The following EPS15L1 variants were observed in gnomAD, a reference collection of about 807,000 sequenced individuals.
The protein encoded by EPS15L1 is epidermal growth factor receptor pathway substrate 15 like 1, also known as epidermal growth factor receptor substrate 15-like 1.
In EPS15L1, 43 loss-of-function variants were observed where a neutral mutation model predicts 117.1. That is an observed-to-expected ratio of 0.37 (90% CI 0.29 to 0.47). The LOEUF (loss-of-function observed/expected upper bound fraction) is 0.47. Among genes scored for constraint, EPS15L1 ranks in the 20% least tolerant of loss-of-function variants. The pLI is 0.99. For synonymous variants in EPS15L1, 459 were observed against 470.5 expected, an observed-to-expected ratio of 0.98 and a Z score of 0.32; for missense variants, 981 against 1,164.0, an observed-to-expected ratio of 0.84 and a Z score of 2.29.
intron 1 of EPS15L1, among the ~76,000 whole-genome samples, chr19:16,447,605 C>T (rs896510879): frequency 6.6e-6 from 1 of 151,882 alleles, no homozygotes; most frequent in Non-Finnish European, 1.5e-5. Flanking sequence ...ACTAAAAATA[C>T]AAAAATTAGC....
Position 16,381,323 on chromosome 19 carries a change from C to T in EPS15L1, c.2247+3806G>A, listed in dbSNP as rs1386700141. Among the ~76,000 whole-genome samples, 2 of 152,268 alleles carry T rather than the reference C, an allele frequency of 1.3e-5. No homozygotes were observed. The highest frequency in any genetic ancestry group is 2.9e-5 in the Non-Finnish European group (2 of 68,048). ...CACGGCGGATCCAGGGCTGCCACAT[C>T]GTCTGCCTCCCAGGCTGGGGCCACC... is the stretch of plus-strand genomic sequence containing the variant. On this transcript the variant is annotated intron_variant, in intron 21 of 23. Transcript: ENST00000455140. This position sits in a 1 kb window ranked among gnomAD's most constrained non-coding sequence, Gnocchi z 4.2.
chr19:16,422,978 G>A (rs554322933), intron 9 of EPS15L1, among the ~76,000 whole-genome samples: 7 of 149,582 alleles, frequency 4.7e-5, no homozygotes, highest in Admixed American at 3.3e-4. Context: ...AAAGGGGGGG[G>A]GGATTTCTCA....
intron 1 of EPS15L1, among the ~76,000 whole-genome samples, chr19:16,461,034 G>A (rs376373275): frequency 1.4e-4 from 22 of 151,828 alleles, no homozygotes; most frequent in African/African-American, 4.8e-4. Context: ...GGCCAGGCGC[G>A]GTGGCTCACG....
Position 16,395,371 on chromosome 19 carries a change from G to C in EPS15L1, c.1888C>G (p.Pro630Ala), listed in dbSNP as rs1456386286. 1 of 1,613,888 alleles carries C rather than the reference G, an allele frequency of 6.2e-7. No individual in the cohort carries two copies. Among genetic ancestry groups the C allele is most frequent in the Non-Finnish European group, 8.5e-7 (1 of 1,179,830 alleles). ...TTGAAGGGGTCAGCTCCTTTAAATG[G>C]GTCAGATTTGAAGGGGTCTTCTGTC... The part of the protein sequence containing the change: ...FQTEDPFKSD[P>A]FKGADPFKGD... Residue 630 changes from proline (P) to alanine (A), a missense_variant, in exon 17 of 24, where the codon CCA becomes GCA. Physicochemically the swap from Pro to Ala is conservative, Grantham distance 27. This residue lies in a region of EPS15L1 where 819 missense variants were observed against 949.0 expected (regional missense o/e 0.86). Transcript: ENST00000455140.
intron 12 of EPS15L1, among the ~76,000 whole-genome samples, chr19:16,414,440 A>G (rs1405099657): frequency 1.3e-5 from 2 of 151,710 alleles, no homozygotes; most frequent in East Asian, 3.9e-4. Context: ...TCGCTCTGTC[A>G]CCCAGGCTGG....
chr19:16,409,937 CAAAAAAAAAAAA>C (rs140859526), intron 13 of EPS15L1, among the ~76,000 whole-genome samples: 1 of 45,030 alleles, frequency 2.2e-5, no homozygotes, highest in East Asian at 6.3e-4. Context: ...GACTCTGTCT[CAAAAAAAAAAAA>C]AAAAAAAAAA....
In EPS15L1 at chr19:16,428,231, G is replaced by A. The variant is rs1380470237; in HGVS notation, c.558+471C>T. On this transcript the variant is annotated intron_variant, in intron 8 of 23. Transcript: ENST00000455140. Reference sequence around the variant, plus strand: ...AAAAAAGAAAGAAAGAAAGAAAGAAGGCCAGGCACAGTGGCTCACGCCTGT... The same window carrying A: ...AAAAAAGAAAGAAAGAAAGAAAGAAAGCCAGGCACAGTGGCTCACGCCTGT... Among the ~76,000 whole-genome samples, 7 of 149,662 alleles carry A rather than the reference G, an allele frequency of 4.7e-5. No homozygotes were observed. The East Asian group carries it at 1.2e-3, about 25-fold the overall frequency.
intron 9 of EPS15L1, among the ~76,000 whole-genome samples, chr19:16,424,502 A>T (rs993063847): frequency 1.3e-5 from 2 of 150,738 alleles, no homozygotes; most frequent in South Asian, 2.1e-4. Context: ...GACTTTCAAA[A>T]CTCTTGGCAA....
chr19:16,463,222 G>A (rs1257891420), intron 1 of EPS15L1, among the ~76,000 whole-genome samples: 1 of 152,130 alleles, frequency 6.6e-6, no homozygotes, highest in East Asian at 1.9e-4. Flanking sequence ...CACAGCCACA[G>A]CCCACCAGGC....
At chr19:16,438,799 G>A (rs1484708613) in intron 4 of EPS15L1, among the ~76,000 whole-genome samples, 1 of 152,134 alleles carries the variant, frequency 6.6e-6, no homozygotes, top group East Asian at 1.9e-4. Context: ...AGGATTACAG[G>A]TATGAGCCAC....
At chr19:16,444,051 G>A (rs138158709) in intron 1 of EPS15L1, among the ~76,000 whole-genome samples, 4,187 of 127,634 alleles carry the variant, frequency 0.033, 239 homozygotes, top group African/African-American at 0.12. Context: ...GCGACGGTGC[G>A]AGACTCCGTC....
At chr19:16,395,269 T>C (rs540809329) in intron 17 of EPS15L1, 75 bp downstream of exon 17, 10 of 1,430,820 alleles carry the variant, frequency 7.0e-6, no homozygotes, top group African/African-American at 2.9e-5. Context: ...CTTACTTTTC[T>C]AGTTGAAGAA....
intron 21 of EPS15L1, among the ~76,000 whole-genome samples, chr19:16,380,288 C>T (rs2092346739): frequency 6.6e-6 from 1 of 152,178 alleles, no homozygotes; most frequent in Non-Finnish European, 1.5e-5. Context: ...CATCTAGCCA[C>T]ACAGACACGG....
intron 7 of EPS15L1, among the ~76,000 whole-genome samples, chr19:16,430,758 C>T (rs964061237): frequency 4.6e-5 from 7 of 152,302 alleles, no homozygotes; most frequent in South Asian, 2.1e-4. Flanking sequence ...GATGACAGCA[C>T]GGATGCAAGT....
At chr19:16,451,821 G>T (rs1310048947) in intron 1 of EPS15L1, among the ~76,000 whole-genome samples, 2 of 144,244 alleles carry the variant, frequency 1.4e-5, no homozygotes, top group Non-Finnish European at 3.0e-5. Context: ...GAGCCACCGC[G>T]CCTGGCCTAC....
chr19:16,460,463 TCAA>T (rs1489011291), intron 1 of EPS15L1, among the ~76,000 whole-genome samples: 2 of 151,768 alleles, frequency 1.3e-5, no homozygotes, highest in Non-Finnish European at 2.9e-5. Flanking sequence ...TGGCTAAGAG[TCAA>T]CAACAACAAA....
chr19:16,421,506 C>T (rs746749583), intron 9 of EPS15L1, 30 bp from the exon 10 acceptor site: 37 of 1,593,844 alleles, frequency 2.3e-5, no homozygotes, highest in Non-Finnish European at 3.0e-5. Flanking sequence ...AACAGTTAAT[C>T]TGGAAGCTTT....
intron 1 of EPS15L1, among the ~76,000 whole-genome samples, chr19:16,449,067 A>C (rs1225059409): frequency 6.6e-6 from 1 of 152,014 alleles, no homozygotes; most frequent in East Asian, 1.9e-4. Context: ...TGAGCCCAGG[A>C]GTTCCAGACC....
chr19:16,394,017 G>A lies in EPS15L1; in HGVS notation c.1916-16C>T. Reference sequence around the variant, plus strand: ...AACGGGTCGCCTGGTTGGAAGAGGAGAGAAATGCTTATTAGCTCTAGGGCA... The same window carrying A: ...AACGGGTCGCCTGGTTGGAAGAGGAAAGAAATGCTTATTAGCTCTAGGGCA... On this transcript the variant is annotated splice_polypyrimidine_tract_variant and intron_variant, in intron 17 of 23. Transcript: ENST00000455140. 1 of 1,613,852 alleles carries A rather than the reference G, an allele frequency of 6.2e-7. No individual in the cohort carries two copies. The highest frequency in any genetic ancestry group is 1.1e-5 in the South Asian group (1 of 91,066).
Sources: gnomAD v4.1 joint callset for allele counts (sites outside exome capture counted in the v4.1 genomes callset) on GRCh38, gnomAD v4.1.1 for gene constraint, gnomAD v4.1.1 regional missense constraint, Gnocchi (gnomAD v3.1) non-coding constraint, MANE v1.5 for transcripts, NCBI Gene and HGNC (gene_info 2026-07-23, HGNC 2026-07-21) for gene names.